NR6A1: variants seen among roughly 807,000 people sequenced by gnomAD.
The protein encoded by NR6A1 is nuclear receptor subfamily 6 group A member 1, also known as retinoic acid receptor-related testis-associated receptor.
A neutral mutation model predicts 59.1 loss-of-function variants in NR6A1; 7 were observed. The ratio of observed to expected loss-of-function variants is 0.12; its 90% CI spans 0.07 to 0.22. The LOEUF (loss-of-function observed/expected upper bound fraction) is 0.22, where lower values mean the gene tolerates loss of function less well. Among genes scored for constraint, NR6A1 ranks in the 10% least tolerant of loss-of-function variants. The pLI, the probability that NR6A1 is intolerant of heterozygous loss-of-function variation, is 1.00. For synonymous variants in NR6A1, 243 were observed against 236.1 expected, an observed-to-expected ratio of 1.03 and a Z score of -0.27; for missense variants, 468 against 611.6, an observed-to-expected ratio of 0.77 and a Z score of 2.48.
intron 2 of NR6A1, among the ~76,000 whole-genome samples, chr9:124,723,672 T>G (rs1206535344): frequency 2.0e-5 from 3 of 152,238 alleles, no homozygotes; most frequent in Non-Finnish European, 4.4e-5. Context: ...CTACATAGCC[T>G]AGAACAGTAT....
intron 2 of NR6A1, among the ~76,000 whole-genome samples, chr9:124,707,709 C>G (rs1330243630): frequency 6.6e-6 from 1 of 152,156 alleles, no homozygotes; most frequent in African/African-American, 2.4e-5. Flanking sequence ...ACTAAACCAC[C>G]AAGTCTGTCT....
At chr9:124,746,842 A>C (rs1301146629) in intron 1 of NR6A1, among the ~76,000 whole-genome samples, 1 of 152,210 alleles carries the variant, frequency 6.6e-6, no homozygotes, top group East Asian at 1.9e-4. Context: ...CCCAGACTGC[A>C]TTGGAAAAAT....
At chr9:124,662,191 T>C (rs1837460701) in intron 2 of NR6A1, among the ~76,000 whole-genome samples, 1 of 152,162 alleles carries the variant, frequency 6.6e-6, no homozygotes, top group Non-Finnish European at 1.5e-5. Context: ...CAGGTAGTCA[T>C]GGCCAGAGTA....
At chr9:124,705,097 T>C (rs1019191871) in intron 2 of NR6A1, among the ~76,000 whole-genome samples, 2 of 152,250 alleles carry the variant, frequency 1.3e-5, no homozygotes, top group African/African-American at 4.8e-5. Flanking sequence ...TTTATACGTA[T>C]GTTGTTTAAT....
At chr9:124,589,217 C>G (rs1835032430) in intron 2 of NR6A1, among the ~76,000 whole-genome samples, 1 of 152,168 alleles carries the variant, frequency 6.6e-6, no homozygotes, top group South Asian at 2.1e-4. Flanking sequence ...GTGGCTGAGG[C>G]GGGTGGATCA....
chr9:124,754,191 A>G (rs1005349484), intron 1 of NR6A1, among the ~76,000 whole-genome samples: 3 of 152,166 alleles, frequency 2.0e-5, no homozygotes, highest in Non-Finnish European at 4.4e-5. Flanking sequence ...GAAAAGGAAC[A>G]CCAACTGAGT....
At chr9:124,609,431 T>G (rs1019780103) in intron 2 of NR6A1, among the ~76,000 whole-genome samples, 2 of 152,174 alleles carry the variant, frequency 1.3e-5, no homozygotes, top group African/African-American at 4.8e-5. Flanking sequence ...ATGTGCAGCC[T>G]TATTTCTGAG....
At chr9:124,545,470 T>C (rs1833569684) in intron 3 of NR6A1, among the ~76,000 whole-genome samples, 1 of 152,218 alleles carries the variant, frequency 6.6e-6, no homozygotes, top group African/African-American at 2.4e-5. Flanking sequence ...GTAAGAAACA[T>C]ACATAGCCTA....
At chr9:124,569,766 T>TA (rs1408696992) in intron 2 of NR6A1, among the ~76,000 whole-genome samples, 15 of 152,204 alleles carry the variant, frequency 9.9e-5, no homozygotes, top group African/African-American at 2.4e-4. Flanking sequence ...ACACAAATAA[T>TA]AAAAAAATCA....
intron 1 of NR6A1, among the ~76,000 whole-genome samples, chr9:124,735,960 T>C (rs893365252): frequency 6.6e-6 from 1 of 152,250 alleles, no homozygotes; most frequent in African/African-American, 2.4e-5. Context: ...GATTTCAATA[T>C]GTGAATTCAG....
intron 2 of NR6A1, among the ~76,000 whole-genome samples, chr9:124,703,586 A>T (rs1234884991): frequency 6.6e-6 from 1 of 152,130 alleles, no homozygotes; most frequent in African/African-American, 2.4e-5. Flanking sequence ...TGTATTCCCA[A>T]ATTAAATCCC....
intron 5 of NR6A1, among the ~76,000 whole-genome samples, chr9:124,539,146 C>T (rs142062412): frequency 3.1e-4 from 47 of 152,242 alleles, no homozygotes; most frequent in South Asian, 8.3e-4. Flanking sequence ...CTTAAGCAAT[C>T]TACCCACCTT....
intron 2 of NR6A1, among the ~76,000 whole-genome samples, chr9:124,644,149 A>C (rs1836859106): frequency 6.6e-6 from 1 of 150,932 alleles, no homozygotes; most frequent in Non-Finnish European, 1.5e-5. Flanking sequence ...TGATCCACCC[A>C]CCTCGGCCTC....
At chr9:124,644,843 C>T (rs1836886365) in intron 2 of NR6A1, among the ~76,000 whole-genome samples, 4 of 152,190 alleles carry the variant, frequency 2.6e-5, no homozygotes, top group Non-Finnish European at 5.9e-5. Flanking sequence ...TTGGAACTGA[C>T]CTGAGGCATC....
intron 2 of NR6A1, among the ~76,000 whole-genome samples, chr9:124,691,362 G>C (rs762869870): frequency 2.6e-4 from 39 of 152,114 alleles, no homozygotes; most frequent in Non-Finnish European, 8.8e-5. Flanking sequence ...ATGAATTTGA[G>C]ACCAGTCAGC....
chr9:124,557,285 C>T lies in NR6A1; in HGVS notation c.143-2715G>A, dbSNP rs570705683. 2.4e-3 allele frequency among the ~76,000 whole-genome samples: 363 copies of T among 152,224 alleles called. 1 individual carries two copies. The highest frequency in any genetic ancestry group is 8.1e-3 in the African/African-American group (335 of 41,538). ...GAGTAGCTGGGATTACAGGAACGTG[C>T]CACCATGCCTGGCTAATTTTTGTAT... On this transcript the variant is annotated intron_variant, in intron 2 of 9. Transcript: ENST00000487099.
At chr9:124,700,354 C>T (rs1253973808) in intron 2 of NR6A1, among the ~76,000 whole-genome samples, 1 of 151,794 alleles carries the variant, frequency 6.6e-6, no homozygotes, top group Non-Finnish European at 1.5e-5. Flanking sequence ...ACCACCATGC[C>T]CGGCTAATTT....
chr9:124,749,571 A>C (rs1840436953), intron 1 of NR6A1, among the ~76,000 whole-genome samples: 1 of 151,876 alleles, frequency 6.6e-6, no homozygotes, highest in Admixed American at 6.6e-5. Context: ...TTTTTTTAAG[A>C]GACAGGTCTC....
At chr9:124,578,457 T>C (rs1834670399) in intron 2 of NR6A1, among the ~76,000 whole-genome samples, 1 of 152,256 alleles carries the variant, frequency 6.6e-6, no homozygotes, top group Admixed American at 6.5e-5. Context: ...AGTTATTAAA[T>C]ACTAAAATCT....
Sources: gnomAD v4.1 joint callset for allele counts (sites outside exome capture counted in the v4.1 genomes callset) on GRCh38, gnomAD v4.1.1 for gene constraint, MANE v1.5 for transcripts, NCBI Gene and HGNC (gene_info 2026-07-23, HGNC 2026-07-21) for gene names.